The following KRT27 variants were observed in gnomAD, a reference collection of about 807,000 sequenced individuals.
KRT27 encodes keratin, type I cytoskeletal 27.
In KRT27, 30 loss-of-function variants were observed where a neutral mutation model predicts 45.3. That is an observed-to-expected ratio of 0.66 (90% confidence interval 0.50 to 0.90). The LOEUF is 0.90. Ranked by LOEUF, KRT27 falls within the 40% of genes least tolerant of loss-of-function variation. The pLI is 0.00. For missense variants in KRT27, 610 were observed against 564.3 expected (o/e 1.08, Z -0.82); for synonymous variants, 204 against 223.9 (o/e 0.91, Z 0.79).
Position 40,777,103 on chromosome 17 carries a change from C to A in KRT27, c.1276G>T (p.Glu426Ter). 2 of 1,614,000 alleles carry A rather than the reference C, an allele frequency of 1.2e-6. No individual in the cohort carries two copies. Among genetic ancestry groups the A allele is most frequent in the Non-Finnish European group, 1.7e-6 (2 of 1,179,890 alleles). The stretch of plus-strand genomic sequence containing the variant: ...ACTTTGCCACGAGGATCTATCTCTT[C>A]AACAACTGTTTTGACAATGGTGGTT... ...SKTTIVKTVV[E>*]EIDPRGKVLS... Residue 426 changes from glutamate (E) to a stop codon, truncating the protein, a stop_gained, in exon 8 of 8, where the codon GAA becomes TAA. Transcript: ENST00000301656. LOFTEE classifies it high-confidence loss of function.
chr17:40,780,551 A>G (rs2143034540), intron 2 of KRT27, 95 bp from the exon 3 acceptor site: 3 of 1,170,034 alleles, frequency 2.6e-6, no homozygotes, highest in East Asian at 2.6e-5. Flanking sequence ...TTTGAGGTAA[A>G]ACTACTAAGA....
chr17:40,779,603 A>G lies in KRT27; in HGVS notation c.871T>C (p.Ser291Pro). 6.2e-7 allele frequency: 1 copy of G among 1,614,222 alleles called. No individual in the cohort carries two copies. ...EKSASLQQQI[S>P]DDAGATTSAR... ...GAGGTGGTGGCGCCAGCGTCGTCAG[A>G]GATCTGCTGCTGCAGCGAGGCGCTC... Residue 291 changes from serine to proline, a missense_variant, in exon 5 of 8, where the codon TCT becomes CCT. Coordinates refer to ENST00000301656, the MANE Select transcript of KRT27 (RefSeq NM_181537.4).
intron 5 of KRT27, among the ~76,000 whole-genome samples, chr17:40,778,682 G>T (rs562094371): frequency 6.6e-6 from 1 of 152,328 alleles, no homozygotes; most frequent in African/African-American, 2.4e-5. Flanking sequence ...CACATGTTTA[G>T]TTTTATAGTC....
Position 40,782,300 on chromosome 17 carries a change from C to T in KRT27, c.194G>A (p.Gly65Glu), listed in dbSNP as rs2038320958. ...TGTGAAGGCAGCACAGGAAGCACTTCCCCCGCCCAGACCTCCGCCATAGCC... is the reference window on the plus strand; with the variant it reads ...TGTGAAGGCAGCACAGGAAGCACTTTCCCCGCCCAGACCTCCGCCATAGCC... Reference protein sequence around the residue: ...AGGYGGGLGGGSASCAAFTGN... With the variant: ...AGGYGGGLGGESASCAAFTGN... The change falls in exon 1 of 8, where the codon GGA becomes GAA. Residue 65 changes from glycine to glutamate, a missense_variant. Coordinates refer to ENST00000301656, the MANE Select transcript of KRT27 (RefSeq NM_181537.4). 6.2e-7 allele frequency: 1 copy of T among 1,614,022 alleles called. No individual in the cohort carries two copies.
chr17:40,777,432 A>G (rs2038275296), intron 6 of KRT27, 83 bp downstream of exon 6: 1 of 1,542,806 alleles, frequency 6.5e-7, no homozygotes, highest in Admixed American at 1.7e-5. Context: ...CGTGATCTAG[A>G]TCATAGATAT....
Position 40,782,208 on chromosome 17 carries a change from C to T in KRT27, c.286G>A (p.Ala96Thr). Residue 96 changes from alanine to threonine, a missense_variant, in exon 1 of 8, where the codon GCC becomes ACC. Ala to Thr is a moderately conservative substitution (Grantham distance 58). Transcript: ENST00000301656. Reference sequence around the variant, plus strand: ...GCTCGAACATTCTCCAGGTAGGAGGCCAAGCGGTCGTTGAGGTTCTGCATG... The same window carrying T: ...GCTCGAACATTCTCCAGGTAGGAGGTCAAGCGGTCGTTGAGGTTCTGCATG... ...VTMQNLNDRL[A>T]SYLENVRALE... 2 of 1,614,220 alleles carry T rather than the reference C, an allele frequency of 1.2e-6. No homozygotes were observed. Among genetic ancestry groups the T allele is most frequent in the Non-Finnish European group, 1.7e-6 (2 of 1,180,044 alleles).
rs1474643630 is a variant in KRT27 at position 40,777,147 on chromosome 17, C to G, written c.1241-9G>C. ...GGTGGTTTTAGATGAATCTAAAATG[C>G]CACATATAAACTGTTTAGAATTTAT... On this transcript the variant is annotated splice_polypyrimidine_tract_variant and intron_variant, in intron 7 of 7. Transcript: ENST00000301656. The G allele has an allele frequency of 8.1e-6, 13 of 1,612,604 alleles. No individual in the cohort carries two copies. Among genetic ancestry groups the G allele is most frequent in the Non-Finnish European group, 1.1e-5 (13 of 1,179,150 alleles).
chr17:40,782,435 G>GAGCC lies in KRT27; in HGVS notation c.55_58dup (p.Ser20TrpfsTer7). On this transcript the variant is annotated frameshift_variant, in exon 1 of 8. Coordinates refer to ENST00000301656, the MANE Select transcript of KRT27 (RefSeq NM_181537.4). LOFTEE classifies it high-confidence loss of function. ...TGCTCCCCCACTAGAGAGCCTCACA[G>GAGCC]AGCCAGTGCCCCCGCAAGAGCCAAG... The GAGCC allele has an allele frequency of 6.2e-7, 1 of 1,610,118 alleles. No homozygotes were observed. Among genetic ancestry groups the GAGCC allele is most frequent in the Non-Finnish European group, 8.5e-7 (1 of 1,178,164 alleles).
At chr17:40,781,115 AT>A in intron 2 of KRT27, 72 bp downstream of exon 2, 1 of 892,684 alleles carries the variant, frequency 1.1e-6, no homozygotes, top group Middle Eastern at 3.2e-4. Context: ...ACAACGTCAA[AT>A]AACTTAGAAG....
chr17:40,777,607 G>A lies in KRT27; in HGVS notation c.1098C>T (p.Gly366=). The change falls in exon 6 of 8, where the codon GGC becomes GGT. Residue 366 remains glycine (G), a synonymous_variant. Coordinates refer to ENST00000301656, the MANE Select transcript of KRT27 (RefSeq NM_181537.4). ...GGAGCTGCTCATACTCGAGCTTCTG[G>A]CCCTCGGTCTCGGTTCTGACCTGGT... ...QLHQVRTETE[G]QKLEYEQLLD... is the part of the protein sequence containing the mutation. 1.2e-6 allele frequency: 2 copies of A among 1,613,962 alleles called. No homozygotes were observed. The highest frequency in any genetic ancestry group is 1.1e-5 in the South Asian group (1 of 91,070).
intron 6 of KRT27, 99 bp from the exon 7 acceptor site, chr17:40,777,401 A>G: frequency 1.3e-6 from 2 of 1,531,292 alleles, no homozygotes; most frequent in Non-Finnish European, 1.8e-6. Context: ...CTGAAATAAC[A>G]CTAAAAGAGT....
At chr17:40,780,873 AAATT>A (rs1031900203) in intron 2 of KRT27, among the ~76,000 whole-genome samples, 9 of 150,856 alleles carry the variant, frequency 6.0e-5, no homozygotes, top group Non-Finnish European at 7.4e-5. Context: ...ATAAATAAAT[AAATT>A]AATTAATTAA....
At chr17:40,781,367 C>A in intron 1 of KRT27, 97 bp from the exon 2 acceptor site, 1 of 712,400 alleles carries the variant, frequency 1.4e-6, no homozygotes, top group South Asian at 1.7e-5. Flanking sequence ...AGTAATATTT[C>A]TGGCATCTGT....
Position 40,782,520 on chromosome 17 carries a change from TC to T in KRT27, c.-28del. ...GTGTCCGGAGGCTGGAGCCTTTGTT[TC>T]TGCGGTGATGCTCTGATGGTGAACG... On this transcript the variant is annotated 5_prime_UTR_variant, in exon 1 of 8. Transcript: ENST00000301656. The T allele has an allele frequency of 1.3e-6, 2 of 1,496,602 alleles. No individual in the cohort carries two copies. The highest frequency in any genetic ancestry group is 2.7e-5 in the South Asian group (2 of 74,552). 92.7% of individuals were successfully genotyped at this position (1,496,602 alleles called of 1,614,324 possible).
Position 40,780,355 on chromosome 17 carries a change from A to C in KRT27, c.629T>G (p.Ile210Ser). The C allele has an allele frequency of 6.2e-7, 1 of 1,612,982 alleles. No individual in the cohort carries two copies. Among genetic ancestry groups the C allele is most frequent in the South Asian group, 1.1e-5 (1 of 90,696 alleles). Reference sequence around the variant, plus strand: ...CTCCTCACTGAGAGTTTCCAGCTGGATCTCCAGGTCCGTTCTGCACAAGGT... The same window carrying C: ...CTCCTCACTGAGAGTTTCCAGCTGGCTCTCCAGGTCCGTTCTGCACAAGGT... ...ELTLCRTDLE[I>S]QLETLSEELA... is the part of the protein sequence containing the mutation. The change falls in exon 3 of 8, where the codon ATC (isoleucine) becomes AGC (serine). Residue 210 changes from isoleucine (I) to serine (S), a missense_variant. Ile to Ser is a moderately radical substitution (Grantham distance 142). Transcript: ENST00000301656.
At position 40,779,705 on chromosome 17, in the gene KRT27, C is replaced by T. The variant is rs746890732; in HGVS notation, c.841G>A (p.Glu281Lys). 2 of 1,613,730 alleles carry T rather than the reference C, an allele frequency of 1.2e-6. No individual in the cohort carries two copies. Among genetic ancestry groups the T allele is most frequent in the African/African-American group, 2.7e-5 (2 of 75,048 alleles). ...NRRDAEAWFN[E>K]KSASLQQQIS... ...GCACCCAAGCGTGGTTTTACCTTTTCGTTGAACCAGGCCTCCGCGTCCCTG... is the reference window on the plus strand; with the variant it reads ...GCACCCAAGCGTGGTTTTACCTTTTTGTTGAACCAGGCCTCCGCGTCCCTG... The change falls in exon 4 of 8, where the codon GAA becomes AAA. Residue 281 changes from glutamate to lysine, a missense_variant. Glu to Lys is a moderately conservative substitution (Grantham distance 56). Transcript: ENST00000301656.
At chr17:40,781,143 T>C (rs1385750441) in intron 2 of KRT27, 45 bp downstream of exon 2, 1 of 1,215,488 alleles carries the variant, frequency 8.2e-7, no homozygotes, top group African/African-American at 1.5e-5. Flanking sequence ...GGAGAAAAAA[T>C]GCTTAGACAA....
In KRT27 at chr17:40,780,377, A is replaced by C. The variant is rs1296799523; in HGVS notation, c.607T>G (p.Leu203Val). ...TGGATCTCCAGGTCCGTTCTGCACA[A>C]GGTCAGCTCATCCAGGACTCTTCGC... Reference protein sequence around the residue: ...GLRRVLDELTLCRTDLEIQLE... With the variant: ...GLRRVLDELTVCRTDLEIQLE... The change falls in exon 3 of 8, where the codon TTG becomes GTG. Residue 203 changes from leucine to valine, a missense_variant. Coordinates refer to ENST00000301656, the MANE Select transcript of KRT27 (RefSeq NM_181537.4). 3.1e-6 allele frequency: 5 copies of C among 1,613,688 alleles called. No homozygotes were observed. The highest frequency in any genetic ancestry group is 4.2e-6 in the Non-Finnish European group (5 of 1,179,836).
Position 40,777,740 on chromosome 17 carries a change from T to G in KRT27, c.973-8A>C, listed in dbSNP as rs1207883169. 8 of 1,613,640 alleles carry G rather than the reference T, an allele frequency of 5.0e-6. No individual in the cohort carries two copies. Among genetic ancestry groups the G allele is most frequent in the Non-Finnish European group, 6.8e-6 (8 of 1,179,688 alleles). On this transcript the variant is annotated splice_region_variant and splice_polypyrimidine_tract_variant and intron_variant, in intron 5 of 7. Transcript: ENST00000301656. Reference sequence around the variant, plus strand: ...GCACTCCAGGGAGTGTTTCTGTAGTTTGGTAAGACATGGTTTAATAGAAAA... The same window carrying G: ...GCACTCCAGGGAGTGTTTCTGTAGTGTGGTAAGACATGGTTTAATAGAAAA...
Sources: gnomAD v4.1 joint callset for allele counts (sites outside exome capture counted in the v4.1 genomes callset) on GRCh38, gnomAD v4.1.1 for gene constraint, MANE v1.5 for transcripts, NCBI Gene and HGNC (gene_info 2026-07-23, HGNC 2026-07-21) for gene names.